Variants in PDK4 observed in about 807,000 individuals in gnomAD.
The protein encoded by PDK4 is pyruvate dehydrogenase kinase, isozyme 4.
Under a neutral mutation model 51.7 loss-of-function variants are expected in PDK4, and 43 were observed. The observed-to-expected ratio is 0.83, with a 90% CI of 0.65 to 1.07. The LOEUF (loss-of-function observed/expected upper bound fraction) is 1.07, where lower values mean the gene tolerates loss of function less well. PDK4 is among the 50% of genes least tolerant of loss of function. The pLI is 0.00. For missense variants in PDK4, 498 were observed against 503.5 expected (o/e 0.99, Z 0.10); for synonymous variants, 170 against 176.6 (o/e 0.96, Z 0.30).
In PDK4 at chr7:95,595,068, G is replaced by A. The variant is rs760465232; in HGVS notation, c.227C>T (p.Pro76Leu). ...ANILKEIDIL[P>L]TQLVNTSSVQ... ...TGAAGAGGTATTTACTAATTGGGTC[G>A]GGAGGATATCAATTTCCTTCAGAAT... The change falls in exon 2 of 11, where the codon CCG (proline) becomes CTG (leucine). Residue 76 changes from proline (P) to leucine (L), a missense_variant. Coordinates refer to ENST00000005178, the MANE Select transcript of PDK4 (RefSeq NM_002612.4). 16 of 1,611,640 alleles carry A rather than the reference G, an allele frequency of 9.9e-6. No homozygotes were observed. The highest frequency in any genetic ancestry group is 1.3e-5 in the Non-Finnish European group (15 of 1,177,920).
chr7:95,585,575 A>G lies in PDK4; in HGVS notation c.*66T>C. The G allele has an allele frequency of 7.1e-7, 1 of 1,414,290 alleles. No individual in the cohort carries two copies. Among genetic ancestry groups the G allele is most frequent in the Non-Finnish European group, 9.6e-7 (1 of 1,036,486 alleles). The allele number at this position is 1,414,290 out of a possible 1,614,324, so 87.6% of individuals were successfully genotyped here. ...TGGAGGAAACAAGGGTTCACACACA[A>G]ACATTCAGGAAGCAGCACTGGTGTA... On this transcript the variant is annotated 3_prime_UTR_variant, in exon 11 of 11. Coordinates refer to ENST00000005178, the MANE Select transcript of PDK4 (RefSeq NM_002612.4).
In PDK4 at chr7:95,592,873, A is replaced by G; in HGVS notation, c.416T>C (p.Ile139Thr). 1 of 1,612,104 alleles carries G rather than the reference A, an allele frequency of 6.2e-7. No individual in the cohort carries two copies. The highest frequency in any genetic ancestry group is 8.5e-7 in the Non-Finnish European group (1 of 1,178,364). The change falls in exon 4 of 11, where the codon ATA (isoleucine) becomes ACA (threonine). Residue 139 changes from isoleucine (I) to threonine (T), a missense_variant. By Grantham distance (89) the Ile-to-Thr change is moderately conservative. Transcript: ENST00000005178. ...AACTGTACAGGCATCTTTATACTCTATGATTCCTTGTGCCATTGTAGGGAC... is the reference window on the plus strand; with the variant it reads ...AACTGTACAGGCATCTTTATACTCTGTGATTCCTTGTGCCATTGTAGGGAC... ...NVVPTMAQGI[I>T]EYKDACTVDP...
At chr7:95,591,669 T>G (rs1349523103) in intron 6 of PDK4, among the ~76,000 whole-genome samples, 1 of 152,236 alleles carries the variant, frequency 6.6e-6, no homozygotes, top group Non-Finnish European at 1.5e-5. Flanking sequence ...CCTCCCTACT[T>G]CTGGTCTCTT....
At chr7:95,594,295 T>G (rs1584124934) in intron 2 of PDK4, among the ~76,000 whole-genome samples, 1 of 152,350 alleles carries the variant, frequency 6.6e-6, no homozygotes, top group South Asian at 2.1e-4. Context: ...GTGCATATCC[T>G]GCTTCTGTGA....
At chr7:95,591,920 A>G in intron 6 of PDK4, 68 bp downstream of exon 6, 1 of 831,378 alleles carries the variant, frequency 1.2e-6, no homozygotes, top group Non-Finnish European at 1.9e-6. Flanking sequence ...TTATATTTAC[A>G]AAAAGCAATA....
intron 7 of PDK4, among the ~76,000 whole-genome samples, chr7:95,588,368 G>A (rs1267790555): frequency 6.6e-6 from 1 of 152,198 alleles, no homozygotes; most frequent in East Asian, 1.9e-4. Flanking sequence ...TCTATGAGTT[G>A]TATCATTCAA....
chr7:95,592,620 A>C, intron 4 of PDK4, 23 bp from the exon 5 acceptor site: 6 of 1,537,414 alleles, frequency 3.9e-6, no homozygotes, highest in Non-Finnish European at 5.4e-6. Flanking sequence ...AAAAACAAAA[A>C]AAAATTGTTA....
chr7:95,593,608 G>C (rs751528497), intron 3 of PDK4, 91 bp downstream of exon 3: 3 of 660,890 alleles, frequency 4.5e-6, no homozygotes, highest in Non-Finnish European at 8.1e-6. Flanking sequence ...ATTCAGAGCT[G>C]AATTCCTTTA....
Position 95,594,833 on chromosome 7 carries a change from A to C in PDK4, c.272+190T>G, listed in dbSNP as rs559075145. The C allele has an allele frequency of 2.9e-4, 108 of 375,574 alleles. 1 individual carries two copies. The South Asian group carries it at 0.014, about 50-fold the overall frequency. The allele number at this position is 375,574 out of a possible 1,614,324, so 23.3% of individuals were successfully genotyped here. A position where few individuals can be genotyped will look rare whatever the true frequency, so the allele number is the denominator to read the frequency against. ...AGTAATCTACTTTTTCAGGGTAAAA[A>C]TGTCTGTTTATAGTTTTATAACTTC... On this transcript the variant is annotated intron_variant, in intron 2 of 10. Coordinates refer to ENST00000005178, the MANE Select transcript of PDK4 (RefSeq NM_002612.4).
chr7:95,596,083 T>C, intron 1 of PDK4, 81 bp downstream of exon 1: 2 of 1,429,928 alleles, frequency 1.4e-6, no homozygotes, highest in Admixed American at 4.8e-5. Flanking sequence ...AGCTTGAGCC[T>C]AGCCCTCCCT....
In PDK4 at chr7:95,587,786, G is replaced by T. The variant is rs770226873; in HGVS notation, c.811C>A (p.Pro271Thr). 6.2e-7 allele frequency: 1 copy of T among 1,613,446 alleles called. No individual in the cohort carries two copies. The highest frequency in any genetic ancestry group is 8.5e-7 in the Non-Finnish European group (1 of 1,179,522). The change falls in exon 8 of 11, where the codon CCT becomes ACT. Residue 271 changes from proline (P) to threonine (T), a missense_variant. Pro to Thr is a conservative substitution (Grantham distance 38). Transcript: ENST00000005178. Reference sequence around the variant, plus strand: ...ATAACCTCTATTGGTGTAAGGGAAGGCTGATTTTCCTGGTGTTCAACTGTT... The same window carrying T: ...ATAACCTCTATTGGTGTAAGGGAAGTCTGATTTTCCTGGTGTTCAACTGTT... ...RATVEHQENQ[P>T]SLTPIEVIVV...
At position 95,585,134 on chromosome 7, in the gene PDK4, C is replaced by G. The variant is rs1422428360; in HGVS notation, c.*507G>C. The stretch of plus-strand genomic sequence containing the variant: ...TCAGAGTAAACCTTATTTTAGTCAC[C>G]AGCATTTCCTTCCATAGCACATAAA... On this transcript the variant is annotated 3_prime_UTR_variant, in exon 11 of 11. Transcript: ENST00000005178. The G allele has an allele frequency of 6.6e-6, 1 of 152,144 alleles. No individual in the cohort carries two copies. Among genetic ancestry groups the G allele is most frequent in the Non-Finnish European group, 1.5e-5 (1 of 68,034 alleles). The allele number at this position is 152,144 out of a possible 1,614,324, so 9.4% of individuals were successfully genotyped here. A position where few individuals can be genotyped will look rare whatever the true frequency, so the allele number is the denominator to read the frequency against.
At chr7:95,591,461 A>G (rs1457905871) in intron 6 of PDK4, among the ~76,000 whole-genome samples, 1 of 151,770 alleles carries the variant, frequency 6.6e-6, no homozygotes, top group Non-Finnish European at 1.5e-5. Context: ...TTGGATAGCA[A>G]CTCCCCATTT....
rs1192153526 is a variant in PDK4 at position 95,589,713 on chromosome 7, T to C, written c.698A>G (p.Lys233Arg). 1 of 1,546,792 alleles carries C rather than the reference T, an allele frequency of 6.5e-7. No homozygotes were observed. The highest frequency in any genetic ancestry group is 8.9e-7 in the Non-Finnish European group (1 of 1,120,124). ...GATGTGAATTGGTTGGTCTGGAAAT[T>C]TTCCTAGAAAAATAAAATTCATTAA... is the stretch of plus-strand genomic sequence containing the variant. Reference protein sequence around the residue: ...PELKLTQVNGKFPDQPIHIVY... With the variant: ...PELKLTQVNGRFPDQPIHIVY... Residue 233 changes from lysine (K) to arginine (R), a missense_variant, in exon 7 of 11, where the codon AAA becomes AGA. By Grantham distance (26) the Lys-to-Arg change is conservative (BLOSUM62 2). Coordinates refer to ENST00000005178, the MANE Select transcript of PDK4 (RefSeq NM_002612.4).
chr7:95,583,760 G>A lies in PDK4; in HGVS notation c.*1881C>T, dbSNP rs544701748. On this transcript the variant is annotated 3_prime_UTR_variant, in exon 11 of 11. Coordinates refer to ENST00000005178, the MANE Select transcript of PDK4 (RefSeq NM_002612.4). ...TCTAGTGTTTTAGAGATAGTTCACA[G>A]TATTTGAGTTAATTAATTAATCAAC... 53 of 152,576 alleles carry A rather than the reference G, an allele frequency of 3.5e-4. No individual in the cohort carries two copies. Among genetic ancestry groups the A allele is most frequent in the Admixed American group, 1.6e-3 (24 of 15,280 alleles). 9.5% of individuals were successfully genotyped at this position (152,576 alleles called of 1,614,324 possible). A position where few individuals can be genotyped will look rare whatever the true frequency, so the allele number is the denominator to read the frequency against.
rs1584123712 is a variant in PDK4 at position 95,592,533 on chromosome 7, A to G, written c.594T>C (p.Cys198=). 5.6e-6 allele frequency: 9 copies of G among 1,605,594 alleles called. No individual in the cohort carries two copies. The highest frequency in any genetic ancestry group is 6.0e-6 in the Non-Finnish European group (7 of 1,172,306). Reference sequence around the variant, plus strand: ...TACCTTGGACCACTGCTACCACATCACAGTTAGGATCAATGCTTCCAATGT... The same window carrying G: ...TACCTTGGACCACTGCTACCACATCGCAGTTAGGATCAATGCTTCCAATGT... ...PSHIGSIDPN[C]DVVAVVQDAF... is the part of the protein sequence containing the mutation. Residue 198 remains cysteine (C), a synonymous_variant, in exon 5 of 11, where the codon TGT becomes TGC. Coordinates refer to ENST00000005178, the MANE Select transcript of PDK4 (RefSeq NM_002612.4).
At chr7:95,594,962 A>G in intron 2 of PDK4, 61 bp downstream of exon 2, 2 of 1,217,440 alleles carry the variant, frequency 1.6e-6, no homozygotes, top group Non-Finnish European at 1.2e-6. Context: ...AACATAGTAT[A>G]AGAATTCATA....
intron 10 of PDK4, among the ~76,000 whole-genome samples, 165 bp from the exon 11 acceptor site, chr7:95,585,946 C>G (rs1002721316): frequency 6.6e-6 from 1 of 152,150 alleles, no homozygotes; most frequent in Non-Finnish European, 1.5e-5. Flanking sequence ...TGCACTCAGT[C>G]TATGGCTCTT....
chr7:95,596,450 G>T lies in PDK4; in HGVS notation c.-157C>A. 1.4e-6 allele frequency: 1 copy of T among 697,332 alleles called. No individual in the cohort carries two copies. Among genetic ancestry groups the T allele is most frequent in the South Asian group, 2.3e-5 (1 of 44,104 alleles). The allele number at this position is 697,332 out of a possible 1,614,324, so 43.2% of individuals were successfully genotyped here. On this transcript the variant is annotated 5_prime_UTR_variant, in exon 1 of 11. Coordinates refer to ENST00000005178, the MANE Select transcript of PDK4 (RefSeq NM_002612.4). ...CCCCGGCCTGGGCTGGGGTTTGAGG[G>T]TGCCGCGGAGTGAAGAGTCTGGGCA...
Sources: gnomAD v4.1 joint callset for allele counts (sites outside exome capture counted in the v4.1 genomes callset) on GRCh38, gnomAD v4.1.1 for gene constraint, MANE v1.5 for transcripts, NCBI Gene and HGNC (gene_info 2026-07-23, HGNC 2026-07-21) for gene names.